Variants in CNTLN observed in about 807,000 individuals in gnomAD.
CNTLN encodes the protein centlein, also known as centlein, centrosomal protein.
Under a neutral mutation model 180.0 loss-of-function variants are expected in CNTLN, and 212 were observed. The ratio of observed to expected loss-of-function variants is 1.18; its 90% CI spans 1.05 to 1.32. CNTLN has a LOEUF of 1.32. Ranked by LOEUF, CNTLN falls within the 40% of genes most tolerant of loss-of-function variation. The pLI, the probability that CNTLN is intolerant of heterozygous loss-of-function variation, is 0.00. For synonymous variants in CNTLN, 722 were observed against 563.1 expected (o/e 1.28, Z -3.99); for missense variants, 2,095 against 1,610.9 (o/e 1.30, Z -5.14).
At chr9:17,210,112 G>C (rs937561867) in intron 2 of CNTLN, among the ~76,000 whole-genome samples, 1 of 151,832 alleles carries the variant, frequency 6.6e-6, no homozygotes, top group Non-Finnish European at 1.5e-5. Flanking sequence ...TGTGCACAAC[G>C]TGCAGGTTTG....
At chr9:17,479,183 C>T (rs1200328183) in intron 23 of CNTLN, among the ~76,000 whole-genome samples, 2 of 152,150 alleles carry the variant, frequency 1.3e-5, no homozygotes, top group African/African-American at 4.8e-5. Flanking sequence ...TTAGTAATCC[C>T]ACTTCTGGGT....
At chr9:17,487,145 T>C in intron 25 of CNTLN, 79 bp downstream of exon 25, 1 of 923,398 alleles carries the variant, frequency 1.1e-6, no homozygotes, top group Non-Finnish European at 1.8e-6. Flanking sequence ...ATGTCTAACT[T>C]TTTGTAAACA....
chr9:17,332,837 T>A, intron 10 of CNTLN, 107 bp downstream of exon 10: 3 of 762,704 alleles, frequency 3.9e-6, no homozygotes, highest in Non-Finnish European at 5.6e-6. Flanking sequence ...TTCCTGAATT[T>A]AATTGCCTGT....
At chr9:17,456,971 A>T (rs1043043929) in intron 18 of CNTLN, among the ~76,000 whole-genome samples, 1 of 152,172 alleles carries the variant, frequency 6.6e-6, no homozygotes, top group African/African-American at 2.4e-5. Context: ...ACTTTTCAAC[A>T]ATCAATCAAG....
At position 17,406,000 on chromosome 9, in the gene CNTLN, A is replaced by G. The variant is rs1827359883; in HGVS notation, c.2616-3293A>G. 9.2e-5 allele frequency among the ~76,000 whole-genome samples: 14 copies of G among 151,744 alleles called. No individual in the cohort carries two copies. The South Asian group carries it at 2.7e-3, about 29-fold the overall frequency. ...ATGTTGGTCAGGCTCTGAATTTTAGACATGTAAAGTTGACTGTCAACTTAG... is the reference window on the plus strand; with the variant it reads ...ATGTTGGTCAGGCTCTGAATTTTAGGCATGTAAAGTTGACTGTCAACTTAG... On this transcript the variant is annotated intron_variant, in intron 15 of 25. Transcript: ENST00000380647.
intron 18 of CNTLN, among the ~76,000 whole-genome samples, chr9:17,429,505 C>G (rs1368809830): frequency 1.3e-5 from 2 of 151,948 alleles, no homozygotes; most frequent in Non-Finnish European, 2.9e-5. Flanking sequence ...TATTTCATAT[C>G]AAATTAAATT....
At chr9:17,490,552 C>T (rs963034418) in intron 25 of CNTLN, among the ~76,000 whole-genome samples, 1 of 151,836 alleles carries the variant, frequency 6.6e-6, no homozygotes, top group African/African-American at 2.4e-5. Context: ...AATTTATAGA[C>T]AGTATGTTTG....
At chr9:17,467,086 C>T (rs555977072) in intron 23 of CNTLN, among the ~76,000 whole-genome samples, 195 bp downstream of exon 23, 1 of 151,634 alleles carries the variant, frequency 6.6e-6, no homozygotes, top group African/African-American at 2.4e-5. Flanking sequence ...TTAAAATTTT[C>T]TACCATCTTA....
intron 6 of CNTLN, among the ~76,000 whole-genome samples, chr9:17,288,219 G>A (rs1488116966): frequency 5.8e-5 from 7 of 121,388 alleles, no homozygotes; most frequent in East Asian, 2.6e-4. Context: ...CTTTGTTCTC[G>A]TTGGTTTCAA....
chr9:17,352,760 T>C (rs1822486594), intron 12 of CNTLN, among the ~76,000 whole-genome samples: 3 of 152,178 alleles, frequency 2.0e-5, no homozygotes, highest in Admixed American at 2.0e-4. Flanking sequence ...TGCTTTCTGT[T>C]TCTATGGATT....
At chr9:17,395,253 C>T (rs975220661) in intron 15 of CNTLN, among the ~76,000 whole-genome samples, 184 bp downstream of exon 15, 1 of 152,140 alleles carries the variant, frequency 6.6e-6, no homozygotes. Flanking sequence ...GCAAAATTAG[C>T]CACAACTGCA....
At chr9:17,387,692 AG>A (rs1348667879) in intron 13 of CNTLN, among the ~76,000 whole-genome samples, 7 of 152,022 alleles carry the variant, frequency 4.6e-5, no homozygotes, top group African/African-American at 1.7e-4. Context: ...CTTGAAAAAA[AG>A]GTTGTGGTAG....
chr9:17,520,992 A>G, the CNTLN span, among the ~76,000 whole-genome samples: 1 of 152,174 alleles, frequency 6.6e-6, no homozygotes, highest in South Asian at 2.1e-4. Context: ...AATTCTGTGG[A>G]TTGTTACTTG....
chr9:17,303,720 T>C (rs1013902713), intron 7 of CNTLN, among the ~76,000 whole-genome samples: 6 of 152,158 alleles, frequency 3.9e-5, no homozygotes, highest in Admixed American at 3.9e-4. Context: ...TCTTTATTCC[T>C]TGTCTACACA....
At chr9:17,508,053 G>C (rs1016396573), downstream of CNTLN, among the ~76,000 whole-genome samples, 1 of 152,138 alleles carries the variant, frequency 6.6e-6, no homozygotes, top group Non-Finnish European at 1.5e-5. Flanking sequence ...CCAGAGAGAA[G>C]TATTAGAGAC....
intron 6 of CNTLN, among the ~76,000 whole-genome samples, chr9:17,292,145 G>T (rs755124862): frequency 2.6e-4 from 39 of 152,148 alleles, no homozygotes; most frequent in Non-Finnish European, 5.1e-4. Flanking sequence ...CTTCTCGCTT[G>T]TAGGGTTTCT....
At chr9:17,393,982 A>G (rs1411268614) in intron 14 of CNTLN, among the ~76,000 whole-genome samples, 1 of 152,040 alleles carries the variant, frequency 6.6e-6, no homozygotes. Flanking sequence ...TGAAATCATT[A>G]TAATTTAAAA....
chr9:17,423,107 G>A (rs1308624205), intron 18 of CNTLN, among the ~76,000 whole-genome samples: 1 of 152,114 alleles, frequency 6.6e-6, no homozygotes, highest in Non-Finnish European at 1.5e-5. Flanking sequence ...GCCTGGAGTT[G>A]GGAGAGGGGT....
At chr9:17,260,196 A>G (rs1826847140) in intron 5 of CNTLN, among the ~76,000 whole-genome samples, 2 of 148,272 alleles carry the variant, frequency 1.3e-5, no homozygotes, top group Admixed American at 6.7e-5. Flanking sequence ...CTTTGGTTTC[A>G]AAGAACATCT....
Sources: allele counts gnomAD v4.1 joint callset (sites outside exome capture counted in the v4.1 genomes callset), GRCh38; gene constraint gnomAD v4.1.1; transcripts MANE v1.5; gene names NCBI Gene and HGNC (gene_info 2026-07-23, HGNC 2026-07-21).